Variants in PDE4D observed in about 807,000 individuals in gnomAD.
PDE4D encodes the protein phosphodiesterase 4D.
Under a neutral mutation model 87.4 loss-of-function variants are expected in PDE4D, and 24 were observed. That is an observed-to-expected ratio of 0.27 (90% CI 0.20 to 0.39). The LOEUF is 0.39. Among genes scored for constraint, PDE4D ranks in the 10% least tolerant of loss-of-function variants. The probability of loss-of-function intolerance (pLI) is 1.00; values close to 1 mark genes in which losing one functional copy is unlikely to be tolerated. For missense variants in PDE4D, 714 were observed against 1,041.0 expected (o/e 0.69, Z 4.32); for synonymous variants, 384 against 383.2 (o/e 1.00, Z -0.02).
chr5:59,551,483 A>AC (rs962429253), intron 1 of PDE4D, among the ~76,000 whole-genome samples: 21 of 151,612 alleles, frequency 1.4e-4, no homozygotes, highest in African/African-American at 4.8e-4. Context: ...ACACACACAC[A>AC]CACACACACA....
chr5:59,426,998 T>TACACAC (rs3061709), intron 1 of PDE4D, among the ~76,000 whole-genome samples: 20 of 125,144 alleles, frequency 1.6e-4, no homozygotes, highest in East Asian at 5.2e-4. Context: ...CTTGAAGCTA[T>TACACAC]ACACACACAC....
chr5:59,618,564 A>G (rs1009377122), intron 1 of PDE4D, among the ~76,000 whole-genome samples: 8 of 152,158 alleles, frequency 5.3e-5, no homozygotes, highest in Non-Finnish European at 8.8e-5. Flanking sequence ...GGAAATATAT[A>G]TTATCATATT....
chr5:59,090,006 G>C (rs975770040), intron 5 of PDE4D, among the ~76,000 whole-genome samples: 1 of 152,098 alleles, frequency 6.6e-6, no homozygotes, highest in Non-Finnish European at 1.5e-5. Context: ...TAGATATGAG[G>C]AGAGTGGGAA....
intron 1 of PDE4D, among the ~76,000 whole-genome samples, chr5:60,265,881 C>A (rs535187892): frequency 6.6e-6 from 1 of 152,108 alleles, no homozygotes; most frequent in Non-Finnish European, 1.5e-5. Flanking sequence ...CAATTGTATT[C>A]ACTACAAAGT....
chr5:59,619,506 A>G (rs550690507), intron 1 of PDE4D, among the ~76,000 whole-genome samples: 27 of 152,322 alleles, frequency 1.8e-4, no homozygotes, highest in African/African-American at 6.3e-4. Flanking sequence ...ATGATCGAGC[A>G]TAGCAAGCGG....
intron 1 of PDE4D, among the ~76,000 whole-genome samples, chr5:59,612,231 T>TG (rs1554042497): frequency 0.036 from 1,494 of 41,448 alleles, 23 homozygotes; most frequent in African/African-American, 0.084. Flanking sequence ...TGATTGACAC[T>TG]GTTTTTTTTG....
intron 3 of PDE4D, among the ~76,000 whole-genome samples, chr5:59,985,520 T>C (rs1175160032): frequency 3.3e-5 from 5 of 152,276 alleles, no homozygotes; most frequent in African/African-American, 9.6e-5. Context: ...GTCCTCAATA[T>C]TCAATTCGCA....
chr5:59,780,964 C>T (rs151276965), intron 1 of PDE4D, among the ~76,000 whole-genome samples: 3 of 151,704 alleles, frequency 2.0e-5, no homozygotes, highest in East Asian at 3.9e-4. Flanking sequence ...GTCAGGAGTT[C>T]GAGACCAGCC....
chr5:60,507,583 T>C (rs1750380251), intron 1 of PDE4D, among the ~76,000 whole-genome samples: 1 of 152,202 alleles, frequency 6.6e-6, no homozygotes, highest in African/African-American at 2.4e-5. Context: ...CAATTTATAC[T>C]GCCACTGACA....
chr5:59,281,544 T>C (rs12658554), intron 1 of PDE4D, among the ~76,000 whole-genome samples: 25,353 of 152,128 alleles, frequency 0.17, 2,306 homozygotes, highest in East Asian at 0.25. Context: ...TAAGTATTTT[T>C]TATTATGGTA....
chr5:59,940,765 G>C (rs923453969), intron 3 of PDE4D, among the ~76,000 whole-genome samples: 1 of 152,082 alleles, frequency 6.6e-6, no homozygotes, highest in Non-Finnish European at 1.5e-5. Context: ...TACATGACAG[G>C]GAATTAAAAC....
At chr5:60,418,597 T>A (rs1742823888) in intron 1 of PDE4D, among the ~76,000 whole-genome samples, 1 of 152,122 alleles carries the variant, frequency 6.6e-6, no homozygotes, top group Non-Finnish European at 1.5e-5. Context: ...TATTTTTAAT[T>A]GTTCTGGGTA....
chr5:59,697,037 G>A (rs896536257), intron 1 of PDE4D, among the ~76,000 whole-genome samples: 19 of 152,310 alleles, frequency 1.2e-4, no homozygotes, highest in African/African-American at 3.6e-4. Flanking sequence ...GAAACTGAGA[G>A]AAGATATTTG....
At chr5:60,385,635 T>G (rs1762145527) in intron 1 of PDE4D, among the ~76,000 whole-genome samples, 2 of 152,340 alleles carry the variant, frequency 1.3e-5, no homozygotes, top group South Asian at 2.1e-4. Flanking sequence ...GTGTCCTACT[T>G]TCTTCTCCAG....
At chr5:59,592,706 T>A (rs1561282724) in intron 1 of PDE4D, among the ~76,000 whole-genome samples, 1 of 152,044 alleles carries the variant, frequency 6.6e-6, no homozygotes, top group Non-Finnish European at 1.5e-5. Flanking sequence ...AGTAGAAGAC[T>A]TAAAAGCCTA....
chr5:60,504,115 G>A (rs750337049), intron 1 of PDE4D, among the ~76,000 whole-genome samples: 1 of 152,096 alleles, frequency 6.6e-6, no homozygotes, highest in East Asian at 1.9e-4. Context: ...CTTCCTATCC[G>A]ACCCATCAAT....
At chr5:59,407,234 C>T (rs1419919583) in intron 1 of PDE4D, among the ~76,000 whole-genome samples, 1 of 152,198 alleles carries the variant, frequency 6.6e-6, no homozygotes, top group Non-Finnish European at 1.5e-5. Context: ...TTCCTTCCCG[C>T]TCTCTCTCTT....
At chr5:59,513,308 T>C (rs1048833684) in intron 1 of PDE4D, among the ~76,000 whole-genome samples, 1 of 152,202 alleles carries the variant, frequency 6.6e-6, no homozygotes, top group African/African-American at 2.4e-5. Flanking sequence ...CTCTGTATCA[T>C]ATTGAGATAT....
intron 3 of PDE4D, among the ~76,000 whole-genome samples, chr5:59,956,534 G>C (rs568171818): frequency 6.6e-6 from 1 of 152,288 alleles, no homozygotes; most frequent in East Asian, 1.9e-4. Context: ...AGGCCCCTGT[G>C]TGCTTGTGAA....
Sources: gnomAD v4.1 joint callset for allele counts (sites outside exome capture counted in the v4.1 genomes callset) on GRCh38, gnomAD v4.1.1 for gene constraint, MANE v1.5 for transcripts, NCBI Gene and HGNC (gene_info 2026-07-23, HGNC 2026-07-21) for gene names.